Variants in COL11A1 observed in about 807,000 individuals in gnomAD.
COL11A1 encodes collagen type XI alpha 1 chain.
Under a neutral mutation model 265.2 loss-of-function variants are expected in COL11A1, and 74 were observed. The ratio of observed to expected loss-of-function variants is 0.28; its 90% CI spans 0.23 to 0.34. The LOEUF is 0.34. Among genes scored for constraint, COL11A1 ranks in the 10% least tolerant of loss-of-function variants. The pLI is 1.00. For synonymous variants in COL11A1, 816 were observed against 727.6 expected, an observed-to-expected ratio of 1.12 and a Z score of -1.96; for missense variants, 2,165 against 2,263.6, an observed-to-expected ratio of 0.96 and a Z score of 0.88.
At chr1:102,889,100 C>T (rs937592277) in intron 59 of COL11A1, among the ~76,000 whole-genome samples, 181 bp from the exon 60 acceptor site, 15 of 152,192 alleles carry the variant, frequency 9.9e-5, no homozygotes, top group African/African-American at 3.1e-4. Context: ...GCAAAATAAT[C>T]AGGATTTTTC....
At chr1:102,996,303 A>C (rs1664622968) in intron 26 of COL11A1, among the ~76,000 whole-genome samples, 1 of 152,118 alleles carries the variant, frequency 6.6e-6, no homozygotes, top group Non-Finnish European at 1.5e-5. Context: ...AATAAGGCAA[A>C]TCTTACAAGC....
chr1:102,963,774 C>T (rs371710768), intron 38 of COL11A1, among the ~76,000 whole-genome samples: 1 of 151,826 alleles, frequency 6.6e-6, no homozygotes, highest in African/African-American at 2.4e-5. Flanking sequence ...AAACATTTAT[C>T]CAAAACATGA....
At chr1:103,018,887 C>T in intron 9 of COL11A1, 28 bp from the exon 10 acceptor site, 1 of 1,601,102 alleles carries the variant, frequency 6.2e-7, no homozygotes, top group Non-Finnish European at 8.6e-7. Flanking sequence ...AACATCTCTA[C>T]CAGGGAAATA....
intron 18 of COL11A1, 110 bp from the exon 19 acceptor site, chr1:103,004,771 AT>A: frequency 3.2e-6 from 3 of 941,798 alleles, no homozygotes; most frequent in Non-Finnish European, 4.9e-6. Context: ...CAGGGAAAAT[AT>A]ATGCTTTATT....
intron 49 of COL11A1, among the ~76,000 whole-genome samples, chr1:102,918,617 G>T (rs551338261): frequency 1.7e-4 from 26 of 151,680 alleles, no homozygotes; most frequent in Middle Eastern, 6.8e-3. Context: ...AAAAATGAAG[G>T]TTAGAATTCT....
chr1:102,964,587 G>GTGT (rs1553219267), intron 38 of COL11A1, among the ~76,000 whole-genome samples: 2 of 149,422 alleles, frequency 1.3e-5, no homozygotes, highest in Non-Finnish European at 3.0e-5. Context: ...TTTCTCTAGG[G>GTGT]GTGTGTGTGT....
At chr1:102,921,046 T>C (rs1018794772) in intron 48 of COL11A1, among the ~76,000 whole-genome samples, 5 of 152,164 alleles carry the variant, frequency 3.3e-5, no homozygotes, top group African/African-American at 1.2e-4. Flanking sequence ...GCTTGGAGAA[T>C]ATCATCTTTA....
intron 4 of COL11A1, among the ~76,000 whole-genome samples, chr1:103,069,516 A>T (rs1406530544): frequency 6.6e-6 from 1 of 151,870 alleles, no homozygotes. Context: ...TAGAACACAA[A>T]GAGTGTCAAA....
At chr1:102,972,178 A>C (rs1017813036) in intron 36 of COL11A1, among the ~76,000 whole-genome samples, 4 of 152,172 alleles carry the variant, frequency 2.6e-5, no homozygotes, top group African/African-American at 9.7e-5. Context: ...TAAAAGTTTT[A>C]TAGAGAGGAT....
chr1:102,897,806 A>C (rs1178051934), intron 57 of COL11A1, among the ~76,000 whole-genome samples: 2 of 152,152 alleles, frequency 1.3e-5, no homozygotes, highest in African/African-American at 4.8e-5. Flanking sequence ...CCAGGAAAAT[A>C]AGTGTAACTG....
chr1:103,064,418 C>A (rs1034438577), intron 4 of COL11A1, among the ~76,000 whole-genome samples: 6 of 151,944 alleles, frequency 3.9e-5, no homozygotes, highest in African/African-American at 1.5e-4. Flanking sequence ...GGGCCAGGCG[C>A]GGTGGCTCAT....
intron 1 of COL11A1, among the ~76,000 whole-genome samples, chr1:103,092,031 T>C (rs1368961810): frequency 1.3e-5 from 2 of 152,070 alleles, no homozygotes; most frequent in East Asian, 1.9e-4. Context: ...ATGAACTGCA[T>C]AGTGAAATTC....
intron 14 of COL11A1, among the ~76,000 whole-genome samples, chr1:103,010,573 T>G (rs1666023881): frequency 2.6e-5 from 4 of 152,312 alleles, no homozygotes; most frequent in Admixed American, 2.0e-4. Flanking sequence ...GCTAATATAA[T>G]GTGCCTCCCT....
At position 103,034,212 on chromosome 1, in the gene COL11A1, G is replaced by C. The variant is rs527828107; in HGVS notation, c.652-2968C>G. ...TACAAGTTTATCAGATTAAGTTGTT[G>C]AGAGTCTTGACCATGTAGATTAAGG... is the stretch of plus-strand genomic sequence containing the variant. On this transcript the variant is annotated intron_variant, in intron 4 of 66. Transcript: ENST00000370096. 5.3e-5 allele frequency among the ~76,000 whole-genome samples: 8 copies of C among 152,186 alleles called. No individual in the cohort carries two copies. The South Asian group carries it at 1.7e-3, about 32-fold the overall frequency.
chr1:102,924,269 CACT>C (rs758987327), intron 46 of COL11A1, among the ~76,000 whole-genome samples: 56 of 152,180 alleles, frequency 3.7e-4, no homozygotes, highest in Non-Finnish European at 6.6e-4. Context: ...TATTCAATTG[CACT>C]GTAACTGATA....
At chr1:103,040,956 T>C (rs10782918) in intron 4 of COL11A1, among the ~76,000 whole-genome samples, 101,188 of 151,488 alleles carry the variant, frequency 0.67, 35,841 homozygotes, top group East Asian at 0.92. Context: ...TGCTAATTAT[T>C]AATGATAAAT....
intron 62 of COL11A1, 152 bp downstream of exon 62, chr1:102,888,425 G>T: frequency 1.4e-6 from 1 of 700,936 alleles, no homozygotes; most frequent in Non-Finnish European, 2.5e-6. Flanking sequence ...GTCTTGGCAT[G>T]TAGATTTGAT....
chr1:102,954,327 A>G (rs1660161061), intron 41 of COL11A1, among the ~76,000 whole-genome samples: 1 of 151,978 alleles, frequency 6.6e-6, no homozygotes, highest in Non-Finnish European at 1.5e-5. Context: ...CCTCACACAG[A>G]TGAGAACACC....
intron 28 of COL11A1, among the ~76,000 whole-genome samples, chr1:102,993,146 C>G (rs1015004042): frequency 6.6e-6 from 1 of 152,102 alleles, no homozygotes; most frequent in African/African-American, 2.4e-5. Context: ...TTGATGGATA[C>G]TAATTCCAGA....
Sources: gnomAD v4.1 joint callset for allele counts (sites outside exome capture counted in the v4.1 genomes callset) on GRCh38, gnomAD v4.1.1 for gene constraint, MANE v1.5 for transcripts, NCBI Gene and HGNC (gene_info 2026-07-23, HGNC 2026-07-21) for gene names.